The following HSPA14 variants were observed in gnomAD, a reference collection of about 807,000 sequenced individuals.
The protein encoded by HSPA14 is heat shock protein family A (Hsp70) member 14.
HSPA14 carries 37 observed loss-of-function variants against 65.5 expected under a neutral mutation model. The ratio of observed to expected loss-of-function variants is 0.56; its 90% confidence interval spans 0.43 to 0.74. The LOEUF (loss-of-function observed/expected upper bound fraction) is 0.74, where lower values mean the gene tolerates loss of function less well. Ranked by LOEUF, HSPA14 falls within the 30% of genes least tolerant of loss-of-function variation. The pLI is 0.00. For missense variants in HSPA14, 564 were observed against 607.6 expected (o/e 0.93, Z 0.75); for synonymous variants, 203 against 214.2 (o/e 0.95, Z 0.46).
At chr10:14,840,942 G>A (rs1247587085) in intron 3 of HSPA14, among the ~76,000 whole-genome samples, 2 of 152,082 alleles carry the variant, frequency 1.3e-5, no homozygotes, top group African/African-American at 4.8e-5. Context: ...TTATCCTAGG[G>A]GGTAAACTGG....
intron 10 of HSPA14, 107 bp from the exon 11 acceptor site, chr10:14,866,976 G>A: frequency 1.4e-6 from 1 of 737,974 alleles, no homozygotes; most frequent in Non-Finnish European, 2.3e-6. Context: ...GGCTTTTTTT[G>A]TATTTTATCT....
At chr10:14,870,079 G>GA (rs1010573585) in intron 12 of HSPA14, among the ~76,000 whole-genome samples, 152 of 152,198 alleles carry the variant, frequency 1.0e-3, no homozygotes, top group African/African-American at 3.6e-3. Flanking sequence ...CATTCTTTAG[G>GA]AAACTGAGGA....
At chr10:14,849,035 C>G (rs1393233202) in intron 5 of HSPA14, 140 bp downstream of exon 5, 10 of 542,066 alleles carry the variant, frequency 1.8e-5, no homozygotes, top group Non-Finnish European at 3.3e-5. Flanking sequence ...AACTGTCGAC[C>G]TGGTTGGGGC....
rs566672529 is a variant in HSPA14 at position 14,862,513 on chromosome 10, G to A, written c.994-4570G>A. Among the ~76,000 whole-genome samples the A allele has an allele frequency of 1.9e-4, 27 of 141,934 alleles. No homozygotes were observed. The East Asian group carries it at 3.3e-3, about 17-fold the overall frequency. The allele number at this position is 141,934 out of a possible 152,430, so 93.1% of individuals were successfully genotyped here. A position where few individuals can be genotyped will look rare whatever the true frequency, so the allele number is the denominator to read the frequency against. ...CCTCAGCCTCCCGAGTAGCTGGGAC[G>A]ACAGGCGCCCGCCACCACGCCTGGC... On this transcript the variant is annotated intron_variant, in intron 10 of 13. Coordinates refer to ENST00000378372, the MANE Select transcript of HSPA14 (RefSeq NM_016299.4).
Position 14,858,724 on chromosome 10 carries a change from C to T in HSPA14, c.993+2781C>T, listed in dbSNP as rs556732517. ...GGATGGGTAATCCTCTTACGGGGAACGGGGAGTGAATGATAGGGATTTACA... is the reference window on the plus strand; with the variant it reads ...GGATGGGTAATCCTCTTACGGGGAATGGGGAGTGAATGATAGGGATTTACA... On this transcript the variant is annotated intron_variant, in intron 10 of 13. Coordinates refer to ENST00000378372, the MANE Select transcript of HSPA14 (RefSeq NM_016299.4). Among the ~76,000 whole-genome samples, 8 of 152,250 alleles carry T rather than the reference C, an allele frequency of 5.3e-5. No homozygotes were observed. In the South Asian group the frequency reaches 6.2e-4, roughly 12 times the overall value.
intron 5 of HSPA14, 128 bp downstream of exon 5, chr10:14,849,023 T>C (rs1376604172): frequency 1.8e-6 from 1 of 565,720 alleles, no homozygotes; most frequent in African/African-American, 1.9e-5. Context: ...TAAGGACATA[T>C]AAACTGTCGA....
chr10:14,868,623 G>A (rs528485058), intron 12 of HSPA14, among the ~76,000 whole-genome samples: 1 of 152,248 alleles, frequency 6.6e-6, no homozygotes, highest in East Asian at 1.9e-4. Context: ...TTGAGTAGGG[G>A]TGCATTTTCA....
At position 14,870,682 on chromosome 10, in the gene HSPA14, T is replaced by G. The variant is rs761056968; in HGVS notation, c.1451+15T>G. 3 of 1,539,580 alleles carry G rather than the reference T, an allele frequency of 1.9e-6. No homozygotes were observed. Among genetic ancestry groups the G allele is most frequent in the Non-Finnish European group, 2.6e-6 (3 of 1,136,992 alleles). On this transcript the variant is annotated intron_variant, in intron 13 of 13. Coordinates refer to ENST00000378372, the MANE Select transcript of HSPA14 (RefSeq NM_016299.4). The stretch of plus-strand genomic sequence containing the variant: ...ACTATGAAAAGGTAAAAAATTAAAC[T>G]TCTGTTGTTAAGAAAATTCAATTTG...
At chr10:14,843,473 G>C in intron 3 of HSPA14, 1 of 1,550,614 alleles carries the variant, frequency 6.4e-7, no homozygotes, top group Non-Finnish European at 8.7e-7. Context: ...GGTGTGTCCG[G>C]GGAGCCCAGC....
Position 14,840,161 on chromosome 10 carries a change from T to C in HSPA14, c.221+4T>C. On this transcript the variant is annotated splice_donor_region_variant and intron_variant, in intron 3 of 13. Coordinates refer to ENST00000378372, the MANE Select transcript of HSPA14 (RefSeq NM_016299.4). ...TAAAGCAGATCCTGGGCAGAAGGTA[T>C]GGAATCAAATGATACTTTTAAATAT... is the stretch of plus-strand genomic sequence containing the variant. 3.0e-6 allele frequency: 4 copies of C among 1,326,130 alleles called. No homozygotes were observed. The highest frequency in any genetic ancestry group is 4.1e-6 in the Non-Finnish European group (4 of 980,528). 82.1% of individuals were successfully genotyped at this position (1,326,130 alleles called of 1,614,324 possible). A position where few individuals can be genotyped will look rare whatever the true frequency, so the allele number is the denominator to read the frequency against.
At position 14,849,715 on chromosome 10, in the gene HSPA14, A is replaced by G. The variant is rs747308242; in HGVS notation, c.377-6A>G. On this transcript the variant is annotated splice_polypyrimidine_tract_variant and splice_region_variant and intron_variant, in intron 5 of 13. Transcript: ENST00000378372. Reference sequence around the variant, plus strand: ...TCATCAGAATTTTATATTTTTTAATATGCAGAAACGGCACATTCTGTATTG... The same window carrying G: ...TCATCAGAATTTTATATTTTTTAATGTGCAGAAACGGCACATTCTGTATTG... 6.3e-7 allele frequency: 1 copy of G among 1,580,402 alleles called. No individual in the cohort carries two copies. Among genetic ancestry groups the G allele is most frequent in the Non-Finnish European group, 8.6e-7 (1 of 1,160,548 alleles).
At chr10:14,863,402 A>T (rs1832773891) in intron 10 of HSPA14, among the ~76,000 whole-genome samples, 1 of 152,184 alleles carries the variant, frequency 6.6e-6, no homozygotes. Context: ...TCTCTGGATG[A>T]GGAGCTGTCA....
chr10:14,853,563 G>A (rs999834437), intron 8 of HSPA14, among the ~76,000 whole-genome samples: 5 of 152,078 alleles, frequency 3.3e-5, no homozygotes, highest in Non-Finnish European at 7.4e-5. Flanking sequence ...GCAGTTCATG[G>A]TTACATAATG....
At chr10:14,862,367 T>A (rs1040612690) in intron 10 of HSPA14, among the ~76,000 whole-genome samples, 3 of 146,632 alleles carry the variant, frequency 2.0e-5, no homozygotes, top group Admixed American at 2.0e-4. Context: ...AAGCTCTTTC[T>A]TTTCTTTTCT....
At chr10:14,871,455 A>G in intron 13 of HSPA14, 73 bp from the exon 14 acceptor site, 4 of 854,048 alleles carry the variant, frequency 4.7e-6, no homozygotes, top group Middle Eastern at 2.2e-4. Flanking sequence ...AAAGCCCTCA[A>G]GTAACTTGTT....
At position 14,844,819 on chromosome 10, in the gene HSPA14, A is replaced by G. The variant is rs192171055; in HGVS notation, c.222-3790A>G. 5 of 985,432 alleles carry G rather than the reference A, an allele frequency of 5.1e-6. No homozygotes were observed. The Admixed American group carries it at 3.1e-4, about 60-fold the overall frequency. 61.0% of individuals were successfully genotyped at this position (985,432 alleles called of 1,614,324 possible). ...CGGTTGCCATTGGAACATTGTGGAA[A>G]CAATTCAGATTATATCAGTTTCCCA... is the stretch of plus-strand genomic sequence containing the variant. On this transcript the variant is annotated intron_variant, in intron 3 of 13. Transcript: ENST00000378372.
At chr10:14,859,748 T>C (rs531992546) in intron 10 of HSPA14, among the ~76,000 whole-genome samples, 1 of 152,364 alleles carries the variant, frequency 6.6e-6, no homozygotes, top group African/African-American at 2.4e-5. Flanking sequence ...GAGTAAATCC[T>C]AGATTTTAAG....
At chr10:14,863,756 C>G (rs892404012) in intron 10 of HSPA14, among the ~76,000 whole-genome samples, 7 of 152,100 alleles carry the variant, frequency 4.6e-5, no homozygotes, top group African/African-American at 1.7e-4. Flanking sequence ...GAGATGCACT[C>G]AAAGAAATAG....
intron 12 of HSPA14, among the ~76,000 whole-genome samples, chr10:14,869,712 T>C (rs1313396176): frequency 6.6e-6 from 1 of 152,216 alleles, no homozygotes; most frequent in Non-Finnish European, 1.5e-5. Context: ...TTAAAAGCGC[T>C]TCCACATGAA....
Sources: gnomAD v4.1 joint callset for allele counts (sites outside exome capture counted in the v4.1 genomes callset) on GRCh38, gnomAD v4.1.1 for gene constraint, MANE v1.5 for transcripts, NCBI Gene and HGNC (gene_info 2026-07-23, HGNC 2026-07-21) for gene names.